The following ARID4A variants were observed in gnomAD, a reference collection of about 807,000 sequenced individuals.
ARID4A encodes the protein AT-rich interaction domain 4A.
Under a neutral mutation model 148.6 loss-of-function variants are expected in ARID4A, and 39 were observed. That is an observed-to-expected ratio of 0.26 (90% CI 0.20 to 0.34). The LOEUF (loss-of-function observed/expected upper bound fraction) is 0.34. ARID4A is among the 10% of genes least tolerant of loss of function. The pLI is 1.00. For synonymous variants in ARID4A, 475 were observed against 481.2 expected (o/e 0.99, Z 0.17); for missense variants, 1,265 against 1,449.1 (o/e 0.87, Z 2.06).
chr14:58,336,341 C>A (rs565852673), intron 11 of ARID4A, among the ~76,000 whole-genome samples: 1 of 152,302 alleles, frequency 6.6e-6, no homozygotes, highest in East Asian at 1.9e-4. Flanking sequence ...TCAGTTTTTA[C>A]ATATGATAAC....
At position 58,351,175 on chromosome 14, in the gene ARID4A, G is replaced by T. The variant is rs1429527954; in HGVS notation, c.1507G>T (p.Val503Leu). 1 of 1,612,596 alleles carries T rather than the reference G, an allele frequency of 6.2e-7. No homozygotes were observed. Among genetic ancestry groups the T allele is most frequent in the South Asian group, 1.1e-5 (1 of 90,534 alleles). ...AGATAATGATACAGAAAATAAGGAT[G>T]TAGATGATGACTATGAAACTGCAGA... is the stretch of plus-strand genomic sequence containing the variant. ...LKDNDTENKD[V>L]DDDYETAEKK... is the part of the protein sequence containing the mutation. Residue 503 changes from valine to leucine, a missense_variant, in exon 16 of 24, where the codon GTA (valine) becomes TTA (leucine). Coordinates refer to ENST00000355431, the MANE Select transcript of ARID4A (RefSeq NM_002892.4).
rs1278233172 is a variant in ARID4A, at chr14:58,373,060, A to G, written c.*1071A>G. ...GTCCATCAAACAGTATAGAACTATA[A>G]ATGGGCATCTGGATCATTAAAGTAT... On this transcript the variant is annotated 3_prime_UTR_variant, in exon 24 of 24. Transcript: ENST00000355431. 2.0e-5 allele frequency: 4 copies of G among 200,078 alleles called. No individual in the cohort carries two copies. The highest frequency in any genetic ancestry group is 4.1e-5 in the Non-Finnish European group (4 of 96,964). The allele number at this position is 200,078 out of a possible 1,614,324, so 12.4% of individuals were successfully genotyped here.
At position 58,301,799 on chromosome 14, in the gene ARID4A, A is replaced by G. The variant is rs557283540; in HGVS notation, c.117+109A>G. On this transcript the variant is annotated intron_variant, in intron 3 of 23. Transcript: ENST00000355431. ...TTGAGTCATTATATGAAAACCCTTT[A>G]TATACCAAACTTAAAGGAAAAGCAC... 1.5e-5 allele frequency: 10 copies of G among 652,180 alleles called. No individual in the cohort carries two copies. The East Asian group carries it at 3.0e-4, about 20-fold the overall frequency. 40.4% of individuals were successfully genotyped at this position (652,180 alleles called of 1,614,324 possible).
intron 11 of ARID4A, among the ~76,000 whole-genome samples, chr14:58,339,884 G>A (rs117034962): frequency 0.031 from 4,644 of 150,532 alleles, 98 homozygotes; most frequent in Middle Eastern, 0.059. Context: ...GCATGAGCAC[G>A]CAAAGGGGGA....
intron 11 of ARID4A, among the ~76,000 whole-genome samples, chr14:58,344,300 AAT>A (rs1297177896): frequency 6.6e-6 from 1 of 152,134 alleles, no homozygotes; most frequent in African/African-American, 2.4e-5. Context: ...TTTATATATA[AAT>A]ATATGATATA....
chr14:58,327,953 A>T (rs2033308351), intron 8 of ARID4A, among the ~76,000 whole-genome samples: 1 of 152,194 alleles, frequency 6.6e-6, no homozygotes, highest in Non-Finnish European at 1.5e-5. Context: ...GATTACATGC[A>T]TGAGTCACTA....
At chr14:58,320,548 T>C (rs976930633) in intron 7 of ARID4A, among the ~76,000 whole-genome samples, 11 of 151,856 alleles carry the variant, frequency 7.2e-5, no homozygotes, top group Non-Finnish European at 1.2e-4. Flanking sequence ...GGTTCTTGAG[T>C]CTCCTTTAAT....
At chr14:58,328,540 G>T (rs1205636891) in intron 9 of ARID4A, among the ~76,000 whole-genome samples, 3 of 147,278 alleles carry the variant, frequency 2.0e-5, no homozygotes, top group Non-Finnish European at 3.0e-5. Context: ...ATTAAGAACA[G>T]TTTTTTTTTT....
At chr14:58,329,454 G>T in intron 9 of ARID4A, 74 bp from the exon 10 acceptor site, 3 of 971,376 alleles carry the variant, frequency 3.1e-6, no homozygotes, top group Non-Finnish European at 4.8e-6. Flanking sequence ...ATTTTTCTAT[G>T]TGTTAACATG....
intron 17 of ARID4A, among the ~76,000 whole-genome samples, chr14:58,355,807 A>G (rs909093608): frequency 3.3e-5 from 5 of 151,894 alleles, no homozygotes; most frequent in African/African-American, 4.8e-5. Context: ...ATCCACTCCT[A>G]TTTCACATCT....
At chr14:58,363,833 A>G (rs2035236981) in intron 19 of ARID4A, among the ~76,000 whole-genome samples, 1 of 152,156 alleles carries the variant, frequency 6.6e-6, no homozygotes, top group Non-Finnish European at 1.5e-5. Context: ...TAACAAATTA[A>G]CTTCATGTCT....
chr14:58,327,483 TC>T (rs2033280272), intron 8 of ARID4A, among the ~76,000 whole-genome samples: 1 of 152,066 alleles, frequency 6.6e-6, no homozygotes, highest in Admixed American at 6.5e-5. Context: ...ATTGTACATA[TC>T]TTGGTTAAAA....
chr14:58,304,056 C>T (rs570980043), intron 3 of ARID4A, among the ~76,000 whole-genome samples: 1 of 150,392 alleles, frequency 6.6e-6, no homozygotes, highest in Admixed American at 6.6e-5. Flanking sequence ...GGTTGAGACC[C>T]TGCCTAAAAA....
At chr14:58,317,748 A>G (rs368271512) in intron 5 of ARID4A, among the ~76,000 whole-genome samples, 4 of 135,232 alleles carry the variant, frequency 3.0e-5, no homozygotes, top group Admixed American at 1.6e-4. Flanking sequence ...TCGTTCCACC[A>G]TGGCCTCTCC....
intron 19 of ARID4A, 145 bp downstream of exon 19, chr14:58,361,187 C>A: frequency 7.7e-7 from 1 of 1,294,644 alleles, no homozygotes; most frequent in Non-Finnish European, 1.0e-6. Context: ...ATTCACAGTA[C>A]AGGTTGAGTA....
Position 58,366,010 on chromosome 14 carries a change from TTTA to T in ARID4A, c.3317-8_3317-6del, listed in dbSNP as rs769975184. On this transcript the variant is annotated splice_polypyrimidine_tract_variant and intron_variant, in intron 21 of 23. Transcript: ENST00000355431. ...TTATTTATAATCTGAGTCAATCTTT[TTTA>T]TTATTTATAGGACAAAGCAGTGATA... The T allele has an allele frequency of 1.3e-6, 2 of 1,571,678 alleles. No individual in the cohort carries two copies. Among genetic ancestry groups the T allele is most frequent in the Non-Finnish European group, 8.6e-7 (1 of 1,156,470 alleles).
At position 58,347,700 on chromosome 14, in the gene ARID4A, C is replaced by T. The variant is rs920687987; in HGVS notation, c.1226C>T (p.Thr409Ile). 2 of 1,613,760 alleles carry T rather than the reference C, an allele frequency of 1.2e-6. No individual in the cohort carries two copies. The highest frequency in any genetic ancestry group is 2.7e-5 in the African/African-American group (2 of 74,910). ...YCRSANIQFRTVHHHEPKVKE... is the reference protein window; with the variant it reads ...YCRSANIQFRIVHHHEPKVKE... ...CGTTCGGCAAATATTCAGTTCAGAACTGTTCATCACCATGAACCAAAAGTA... is the reference window on the plus strand; with the variant it reads ...CGTTCGGCAAATATTCAGTTCAGAATTGTTCATCACCATGAACCAAAAGTA... The change falls in exon 15 of 24, where the codon ACT becomes ATT. Residue 409 changes from threonine (T) to isoleucine (I), a missense_variant. Physicochemically the swap from Thr to Ile is moderately conservative, Grantham distance 89. Transcript: ENST00000355431.
intron 15 of ARID4A, 143 bp downstream of exon 15, chr14:58,348,021 C>T (rs570841293): frequency 4.0e-5 from 24 of 594,076 alleles, no homozygotes; most frequent in African/African-American, 3.0e-4. Context: ...CTACTTTTTT[C>T]GAAATATATT....
intron 19 of ARID4A, 73 bp from the exon 20 acceptor site, chr14:58,364,097 G>A: frequency 1.3e-6 from 1 of 792,836 alleles, no homozygotes; most frequent in Non-Finnish European, 1.7e-6. Flanking sequence ...TGTTATTTTT[G>A]GTAAGATTTT....
Sources: gnomAD v4.1 joint callset for allele counts (sites outside exome capture counted in the v4.1 genomes callset) on GRCh38, gnomAD v4.1.1 for gene constraint, MANE v1.5 for transcripts, NCBI Gene and HGNC (gene_info 2026-07-23, HGNC 2026-07-21) for gene names.